The following ZNF804A variants were observed in gnomAD, a reference collection of about 807,000 sequenced individuals.
ZNF804A encodes zinc finger protein 804A.
A neutral mutation model predicts 16.5 loss-of-function variants in ZNF804A; 2 were observed. The observed-to-expected ratio is 0.12, with a 90% CI of 0.05 to 0.38. The LOEUF (loss-of-function observed/expected upper bound fraction) is 0.38. Ranked by LOEUF, ZNF804A falls within the 10% of genes least tolerant of loss-of-function variation. The pLI is 0.99. For missense variants in ZNF804A, 1,473 were observed against 1,390.7 expected (o/e 1.06, Z -0.94); for synonymous variants, 534 against 489.6 (o/e 1.09, Z -1.20).
intron 1 of ZNF804A, among the ~76,000 whole-genome samples, chr2:184,625,907 C>T (rs1254855346): frequency 1.3e-5 from 2 of 152,140 alleles, no homozygotes; most frequent in East Asian, 1.9e-4. Context: ...CTCGTGCTGT[C>T]GCCCAGGCTG....
chr2:184,641,624 C>T (rs1266247755), intron 1 of ZNF804A, among the ~76,000 whole-genome samples: 1 of 152,106 alleles, frequency 6.6e-6, no homozygotes, highest in Non-Finnish European at 1.5e-5. Flanking sequence ...AATATGTACA[C>T]ATATATATCA....
intron 1 of ZNF804A, among the ~76,000 whole-genome samples, chr2:184,696,765 T>G (rs1692837260): frequency 6.6e-6 from 1 of 152,054 alleles, no homozygotes; most frequent in Admixed American, 6.6e-5. Flanking sequence ...TTTTCATTCC[T>G]TATTCCTGTG....
At chr2:184,717,868 C>T (rs959390088) in intron 1 of ZNF804A, among the ~76,000 whole-genome samples, 1 of 152,048 alleles carries the variant, frequency 6.6e-6, no homozygotes, top group Non-Finnish European at 1.5e-5. Context: ...TACATCATAT[C>T]AAATGGGGAA....
intron 2 of ZNF804A, among the ~76,000 whole-genome samples, chr2:184,897,130 C>T (rs1172572401): frequency 1.3e-5 from 2 of 151,944 alleles, no homozygotes; most frequent in Non-Finnish European, 2.9e-5. Context: ...TGTACAATGT[C>T]CCTCAACTGG....
intron 1 of ZNF804A, among the ~76,000 whole-genome samples, chr2:184,655,548 T>C (rs1692062316): frequency 6.6e-6 from 1 of 152,198 alleles, no homozygotes; most frequent in Admixed American, 6.5e-5. Context: ...TAATAGATTA[T>C]AAAATTGGTC....
intron 1 of ZNF804A, among the ~76,000 whole-genome samples, chr2:184,601,744 TG>T (rs890002625): frequency 3.3e-4 from 50 of 152,034 alleles, no homozygotes; most frequent in African/African-American, 9.9e-4. Context: ...ATATCGCAAA[TG>T]TTTTTTTTCT....
At chr2:184,802,684 T>C (rs537220399) in intron 1 of ZNF804A, among the ~76,000 whole-genome samples, 23 of 152,232 alleles carry the variant, frequency 1.5e-4, no homozygotes, top group Non-Finnish European at 2.9e-4. Flanking sequence ...AGCAGTTGAA[T>C]TTAGTTTGTT....
At chr2:184,914,899 A>G (rs1045847685) in intron 2 of ZNF804A, among the ~76,000 whole-genome samples, 4 of 151,752 alleles carry the variant, frequency 2.6e-5, no homozygotes, top group African/African-American at 9.7e-5. Context: ...ATAATTCACT[A>G]GATTGATATT....
rs144333911 is a variant in ZNF804A, at chr2:184,647,714, T to G, written c.111+48644T>G. Reference sequence around the variant, plus strand: ...AAAAAATGTTTTTAAAAAGAATAAATTCTTCAAGAAATATGGGATTATGTA... The same window carrying G: ...AAAAAATGTTTTTAAAAAGAATAAAGTCTTCAAGAAATATGGGATTATGTA... On this transcript the variant is annotated intron_variant, in intron 1 of 3. Transcript: ENST00000302277. 2.9e-3 allele frequency among the ~76,000 whole-genome samples: 448 copies of G among 152,238 alleles called. 2 individuals carry two copies. The highest frequency in any genetic ancestry group is 5.2e-3 in the Non-Finnish European group (356 of 68,014).
intron 1 of ZNF804A, among the ~76,000 whole-genome samples, chr2:184,642,841 T>A (rs1434068502): frequency 6.6e-6 from 1 of 152,168 alleles, no homozygotes. Flanking sequence ...AAAGCTAGAT[T>A]CTTTGCATGT....
At chr2:184,695,712 C>G (rs1242295979) in intron 1 of ZNF804A, among the ~76,000 whole-genome samples, 3 of 151,990 alleles carry the variant, frequency 2.0e-5, no homozygotes, top group Non-Finnish European at 4.4e-5. Flanking sequence ...GCTACTGTGC[C>G]AGGTCTGGAA....
chr2:184,778,979 A>G, intron 1 of ZNF804A, among the ~76,000 whole-genome samples: 1 of 151,844 alleles, frequency 6.6e-6, no homozygotes. Context: ...TAAATTTAAT[A>G]AAAATTAGAA....
intron 2 of ZNF804A, among the ~76,000 whole-genome samples, chr2:184,908,041 C>A (rs1685303303): frequency 6.6e-6 from 1 of 152,048 alleles, no homozygotes; most frequent in East Asian, 1.9e-4. Flanking sequence ...ATAATTATAT[C>A]TTGGGTACTA....
At chr2:184,928,141 C>T (rs945289401) in intron 2 of ZNF804A, among the ~76,000 whole-genome samples, 1 of 152,126 alleles carries the variant, frequency 6.6e-6, no homozygotes, top group African/African-American at 2.4e-5. Context: ...CGAAGTACTA[C>T]CTGGGTATTG....
At chr2:184,793,658 G>A (rs879692348) in intron 1 of ZNF804A, among the ~76,000 whole-genome samples, 2 of 151,926 alleles carry the variant, frequency 1.3e-5, no homozygotes, top group Non-Finnish European at 2.9e-5. Flanking sequence ...TAAGATTTTG[G>A]TGCACTCATA....
At chr2:184,865,503 G>A (rs1695866526) in intron 1 of ZNF804A, among the ~76,000 whole-genome samples, 1 of 151,326 alleles carries the variant, frequency 6.6e-6, no homozygotes, top group African/African-American at 2.5e-5. Context: ...CTTCAAGGAG[G>A]TGCTAGGCTC....
intron 1 of ZNF804A, among the ~76,000 whole-genome samples, chr2:184,827,303 T>G (rs1695181836): frequency 6.6e-6 from 1 of 150,696 alleles, no homozygotes; most frequent in Non-Finnish European, 1.5e-5. Flanking sequence ...CAGTTATATT[T>G]TTATATAGAA....
intron 1 of ZNF804A, among the ~76,000 whole-genome samples, chr2:184,761,756 C>T (rs1265907019): frequency 1.3e-5 from 2 of 152,028 alleles, no homozygotes; most frequent in Non-Finnish European, 2.9e-5. Context: ...TATGTTTGTG[C>T]ACAGAATGTA....
intron 1 of ZNF804A, among the ~76,000 whole-genome samples, chr2:184,815,256 C>A (rs72903794): frequency 0.05 from 7,633 of 151,662 alleles, 245 homozygotes; most frequent in Non-Finnish European, 0.075. Context: ...TAAAAAAAAA[C>A]ATAAAATAAT....
Sources: gnomAD v4.1 joint callset for allele counts (sites outside exome capture counted in the v4.1 genomes callset) on GRCh38, gnomAD v4.1.1 for gene constraint, MANE v1.5 for transcripts, NCBI Gene and HGNC (gene_info 2026-07-23, HGNC 2026-07-21) for gene names.